IQCK: variants seen among roughly 807,000 people sequenced by gnomAD.
The protein encoded by IQCK is IQ domain-containing protein K.
A neutral mutation model predicts 28.1 loss-of-function variants in IQCK; 29 were observed. The ratio of observed to expected loss-of-function variants is 1.03; its 90% CI spans 0.77 to 1.41. The LOEUF (loss-of-function observed/expected upper bound fraction) is 1.41. IQCK is among the 40% of genes most tolerant of loss of function. The probability of loss-of-function intolerance (pLI) is 0.00; values close to 1 mark genes in which losing one functional copy is unlikely to be tolerated. For missense variants in IQCK, 359 were observed against 314.7 expected (o/e 1.14, Z -1.07); for synonymous variants, 113 against 115.1 (o/e 0.98, Z 0.12).
chr16:19,857,042 T>G (rs1047569945), exon 10 of IQCK: 6 of 171,594 alleles, frequency 3.5e-5, no homozygotes, highest in African/African-American at 1.4e-4. Context: ...ACTCCTTAAC[T>G]TTTACTGCAA....
At chr16:19,727,794 A>G (rs894898113) in intron 1 of IQCK, among the ~76,000 whole-genome samples, 4 of 152,046 alleles carry the variant, frequency 2.6e-5, no homozygotes, top group Admixed American at 6.5e-5. Context: ...ACAATTCCAC[A>G]CTATAGCAAT....
At chr16:19,814,074 G>T (rs1216401300) in intron 7 of IQCK, among the ~76,000 whole-genome samples, 1 of 151,956 alleles carries the variant, frequency 6.6e-6, no homozygotes, top group African/African-American at 2.4e-5. Flanking sequence ...AAAAAAATTA[G>T]TTGGGTGTGG....
chr16:19,847,531 A>G (rs28642326), intron 9 of IQCK, among the ~76,000 whole-genome samples: 6,411 of 152,248 alleles, frequency 0.042, 428 homozygotes, highest in African/African-American at 0.15. Context: ...TCCTTTCACC[A>G]TAGAGTAGTT....
intron 9 of IQCK, among the ~76,000 whole-genome samples, chr16:19,841,057 C>T (rs889857631): frequency 3.9e-5 from 6 of 152,190 alleles, no homozygotes; most frequent in Admixed American, 1.3e-4. Flanking sequence ...ACAGCTAAAG[C>T]GTCTTGCCAG....
intron 1 of IQCK, among the ~76,000 whole-genome samples, chr16:19,719,419 C>T (rs1444304834): frequency 1.3e-5 from 2 of 151,634 alleles, no homozygotes; most frequent in Non-Finnish European, 2.9e-5. Context: ...AACCCCGTCT[C>T]TACTGAAAAT....
At chr16:19,744,177 T>G (rs1323327780) in intron 4 of IQCK, among the ~76,000 whole-genome samples, 3 of 152,242 alleles carry the variant, frequency 2.0e-5, no homozygotes, top group Non-Finnish European at 4.4e-5. Context: ...CTTTTATATA[T>G]ATCATTTTAA....
At chr16:19,730,401 A>G (rs747767250) in intron 1 of IQCK, 29 bp from the exon 2 acceptor site, 15 of 1,536,272 alleles carry the variant, frequency 9.8e-6, no homozygotes, top group Admixed American at 2.0e-5. Flanking sequence ...GAAGTATGGA[A>G]TTGAGGATTT....
chr16:19,746,318 A>G (rs1313223217), intron 4 of IQCK, among the ~76,000 whole-genome samples: 2 of 149,986 alleles, frequency 1.3e-5, no homozygotes, highest in East Asian at 3.8e-4. Flanking sequence ...CCCCTAAGTA[A>G]CTGTGTTACA....
At chr16:19,747,322 C>A (rs1421757282) in intron 4 of IQCK, among the ~76,000 whole-genome samples, 1 of 151,972 alleles carries the variant, frequency 6.6e-6, no homozygotes, top group Non-Finnish European at 1.5e-5. Flanking sequence ...ATCAGATTAA[C>A]CCTAGGTTGT....
chr16:19,842,838 G>T (rs1249787989), intron 9 of IQCK, among the ~76,000 whole-genome samples: 1 of 152,154 alleles, frequency 6.6e-6, no homozygotes, highest in Non-Finnish European at 1.5e-5. Flanking sequence ...AAGGAAGCAG[G>T]ATGTAAATAC....
intron 7 of IQCK, among the ~76,000 whole-genome samples, chr16:19,821,529 G>A (rs548591064): frequency 6.3e-4 from 96 of 152,122 alleles, no homozygotes; most frequent in Admixed American, 1.2e-3. Context: ...GTGAAACCCC[G>A]TGTCTACTAA....
chr16:19,812,637 A>C (rs1305773480), intron 7 of IQCK, among the ~76,000 whole-genome samples: 5 of 152,208 alleles, frequency 3.3e-5, no homozygotes, highest in Admixed American at 3.3e-4. Context: ...AGATGTGGGC[A>C]AACTTGGAAC....
chr16:19,857,408 G>T, exon 10 of IQCK: 1 of 431,292 alleles, frequency 2.3e-6, no homozygotes, highest in Non-Finnish European at 4.5e-6. Flanking sequence ...AGTCGTTTAT[G>T]GTACATATTG....
chr16:19,806,989 G>A (rs1370108650), intron 7 of IQCK, among the ~76,000 whole-genome samples: 2 of 152,214 alleles, frequency 1.3e-5, no homozygotes, highest in Non-Finnish European at 2.9e-5. Context: ...TTGTATCAGG[G>A]TTAATATGTG....
At chr16:19,828,457 C>T (rs1597595090), downstream of IQCK, among the ~76,000 whole-genome samples, 1 of 144,640 alleles carries the variant, frequency 6.9e-6, no homozygotes, top group African/African-American at 2.6e-5. Context: ...AGGCTAGTCT[C>T]AAACTCCTGA....
chr16:19,825,945 G>T lies in IQCK; in HGVS notation c.691-1081G>T, dbSNP rs146579083. Among the ~76,000 whole-genome samples the T allele has an allele frequency of 4.3e-3, 658 of 152,322 alleles. 6 individuals carry two copies. The highest frequency in any genetic ancestry group is 0.015 in the African/African-American group (622 of 41,574). ...CTGTTGAGCACTTGAAATGAAGTAT[G>T]TTGTAAGTGCAAAAACACACAGTGT... On this transcript the variant is annotated intron_variant, in intron 7 of 7. Coordinates refer to ENST00000564186, the Ensembl canonical transcript of IQCK. This position sits in a 1 kb window ranked among gnomAD's most constrained non-coding sequence, Gnocchi z 4.2.
intron 4 of IQCK, among the ~76,000 whole-genome samples, chr16:19,758,544 G>A (rs1006265658): frequency 3.3e-5 from 5 of 152,182 alleles, no homozygotes; most frequent in African/African-American, 7.2e-5. Flanking sequence ...TTTGTAGGGC[G>A]GGAGAGAGAC....
At chr16:19,727,389 C>G (rs561166507) in intron 1 of IQCK, among the ~76,000 whole-genome samples, 1 of 152,208 alleles carries the variant, frequency 6.6e-6, no homozygotes, top group Non-Finnish European at 1.5e-5. Flanking sequence ...GAGTTCGAGA[C>G]CAGCCTGGGC....
At chr16:19,774,815 G>C (rs1187099355) in intron 6 of IQCK, among the ~76,000 whole-genome samples, 1 of 152,242 alleles carries the variant, frequency 6.6e-6, no homozygotes, top group Non-Finnish European at 1.5e-5. Flanking sequence ...TTCATGGACA[G>C]ACATACTGTG....
Sources: allele counts gnomAD v4.1 joint callset (sites outside exome capture counted in the v4.1 genomes callset), GRCh38; gene constraint gnomAD v4.1.1; non-coding constraint Gnocchi (gnomAD v3.1); transcripts MANE v1.5; gene names NCBI Gene and HGNC (gene_info 2026-07-23, HGNC 2026-07-21).